The following ZNF728 variants were observed in gnomAD, a reference collection of about 807,000 sequenced individuals.
ZNF728 encodes the protein zinc finger protein 728.
Under a neutral mutation model 12.5 loss-of-function variants are expected in ZNF728, and 12 were observed. The ratio of observed to expected loss-of-function variants is 0.96; its 90% confidence interval spans 0.61 to 1.55. ZNF728 has a LOEUF of 1.55. Ranked by LOEUF, ZNF728 falls within the 40% of genes most tolerant of loss-of-function variation. The probability of loss-of-function intolerance (pLI) is 0.00; values close to 1 mark genes in which losing one functional copy is unlikely to be tolerated. For missense variants in ZNF728, 692 were observed against 719.2 expected, an observed-to-expected ratio of 0.96 and a Z score of 0.43; for synonymous variants, 205 against 240.7, an observed-to-expected ratio of 0.85 and a Z score of 1.37.
chr19:22,980,217 CAG>C (rs1359259588), intron 3 of ZNF728, among the ~76,000 whole-genome samples: 2 of 118,200 alleles, frequency 1.7e-5, no homozygotes, highest in Non-Finnish European at 3.6e-5. Flanking sequence ...AAAAAAAAAA[CAG>C]GGGTTGCAAT....
At position 23,003,134 on chromosome 19, in the gene ZNF728, A is replaced by G; in HGVS notation, c.-104T>C. The G allele has an allele frequency of 4.4e-6, 6 of 1,369,824 alleles. No homozygotes were observed. The highest frequency in any genetic ancestry group is 5.9e-6 in the Non-Finnish European group (6 of 1,013,668). 84.9% of individuals were successfully genotyped at this position (1,369,824 alleles called of 1,614,324 possible). A position where few individuals can be genotyped will look rare whatever the true frequency, so the allele number is the denominator to read the frequency against. ...CCTTTAGGAGCGGACGACACACAGC[A>G]GTAAGGACGACACCTTGACCTCCGC... is the stretch of plus-strand genomic sequence containing the variant. On this transcript the variant is annotated 5_prime_UTR_variant, in exon 1 of 4. Transcript: ENST00000594710.
chr19:22,976,436 C>CA lies in ZNF728; in HGVS notation c.900dup (p.Ala301CysfsTer3), dbSNP rs1240117377. The CA allele has an allele frequency of 6.2e-7, 1 of 1,609,760 alleles. No homozygotes were observed. The highest frequency in any genetic ancestry group is 1.4e-5 in the African/African-American group (1 of 73,756). On this transcript the variant is annotated frameshift_variant, in exon 4 of 4. Coordinates refer to ENST00000594710, the MANE Select transcript of ZNF728 (RefSeq NM_001267716.2). LOFTEE classifies it low-confidence loss of function (END_TRUNC). ...TCTCCAGCATGAATTGTCTTATGTG[C>CA]AGTAAGGGTTGAGGCCTTACTAAAG...
intron 1 of ZNF728, among the ~76,000 whole-genome samples, chr19:23,000,946 T>TACGG (rs1010780373): frequency 2.7e-5 from 4 of 148,144 alleles, no homozygotes; most frequent in African/African-American, 9.9e-5. Context: ...CATGTCAAGG[T>TACGG]ACGGATATGT....
In ZNF728 at chr19:22,975,892, C is replaced by A; in HGVS notation, c.1445G>T (p.Cys482Phe). Reference protein sequence around the residue: ...AIHAGEKLYKCEECGKAFKWS... With the variant: ...AIHAGEKLYKFEECGKAFKWS... ...CTTAAAGGCTTTGCCACATTCTTCA[C>A]ATTTGTAGAGTTTCTCTCCAGCATG... Residue 482 changes from cysteine (C) to phenylalanine (F), a missense_variant, in exon 4 of 4, where the codon TGT becomes TTT. Physicochemically the swap from Cys to Phe is radical, Grantham distance 205 (BLOSUM62 -2). Coordinates refer to ENST00000594710, the MANE Select transcript of ZNF728 (RefSeq NM_001267716.2). The A allele has an allele frequency of 6.2e-7, 1 of 1,606,332 alleles. No homozygotes were observed. The highest frequency in any genetic ancestry group is 8.5e-7 in the Non-Finnish European group (1 of 1,174,332).
intron 1 of ZNF728, among the ~76,000 whole-genome samples, chr19:22,998,578 T>C (rs761340606): frequency 1.4e-4 from 22 of 152,102 alleles, no homozygotes; most frequent in Admixed American, 6.6e-4. Context: ...TGTTTAAAAA[T>C]TGGGGACTCC....
At chr19:22,990,175 A>G (rs1299949980) in intron 1 of ZNF728, among the ~76,000 whole-genome samples, 1 of 152,158 alleles carries the variant, frequency 6.6e-6, no homozygotes, top group Non-Finnish European at 1.5e-5. Flanking sequence ...ACAAGTAGAG[A>G]AGTACAGGTT....
intron 2 of ZNF728, among the ~76,000 whole-genome samples, chr19:22,987,848 T>C (rs1184733628): frequency 6.6e-6 from 1 of 152,184 alleles, no homozygotes; most frequent in Admixed American, 6.5e-5. Flanking sequence ...AGAAATGATG[T>C]TGGGAGCCGA....
intron 1 of ZNF728, among the ~76,000 whole-genome samples, chr19:22,998,023 G>A (rs1969067346): frequency 6.6e-6 from 1 of 152,158 alleles, no homozygotes; most frequent in Non-Finnish European, 1.5e-5. Context: ...TTCAACCATT[G>A]TGAAAAGCAG....
At position 22,974,943 on chromosome 19, in the gene ZNF728, A is replaced by G. The variant is rs1239284018; in HGVS notation, c.*525T>C. ...CTTTCCTTTGCAATTAGGCATGAGC[A>G]TTGGTTAAATGTTTTGCCACATTGT... On this transcript the variant is annotated 3_prime_UTR_variant, in exon 4 of 4. Coordinates refer to ENST00000594710, the MANE Select transcript of ZNF728 (RefSeq NM_001267716.2). Among the ~76,000 whole-genome samples, 1 of 152,190 alleles carries G rather than the reference A, an allele frequency of 6.6e-6. No individual in the cohort carries two copies. Among genetic ancestry groups the G allele is most frequent in the African/African-American group, 2.4e-5 (1 of 41,454 alleles).
chr19:22,976,753 T>A lies in ZNF728; in HGVS notation c.584A>T (p.Tyr195Phe), dbSNP rs968643747. Residue 195 changes from tyrosine (Y) to phenylalanine (F), a missense_variant, in exon 4 of 4, where the codon TAT (tyrosine) becomes TTT (phenylalanine). Transcript: ENST00000594710. ...LSHLSQHKRIYTRENSYKSEE... is the reference protein window; with the variant it reads ...LSHLSQHKRIFTRENSYKSEE... ...ACTTTTGTAGGAATTCTCTCTAGTA[T>A]AAATTCTTTTATGTTGAGATAGGTG... 5.0e-6 allele frequency: 8 copies of A among 1,613,338 alleles called. No individual in the cohort carries two copies. The African/African-American group carries it at 1.1e-4, about 22-fold the overall frequency.
intron 1 of ZNF728, among the ~76,000 whole-genome samples, chr19:22,997,569 T>A (rs930895856): frequency 6.6e-6 from 1 of 151,980 alleles, no homozygotes; most frequent in African/African-American, 2.4e-5. Context: ...AGATCTCAGT[T>A]TAACAACCTG....
chr19:22,989,791 T>C (rs1351976306), intron 1 of ZNF728, among the ~76,000 whole-genome samples: 1 of 151,478 alleles, frequency 6.6e-6, no homozygotes, highest in Non-Finnish European at 1.5e-5. Context: ...TTATCTCCTA[T>C]AAATTTTTTT....
chr19:22,996,614 T>TAA (rs35586244), intron 1 of ZNF728, among the ~76,000 whole-genome samples: 36 of 152,008 alleles, frequency 2.4e-4, no homozygotes, highest in African/African-American at 7.7e-4. Context: ...TAAAGAAAGA[T>TAA]AAAAAAATAT....
At chr19:22,982,010 G>A (rs1968865929) in intron 3 of ZNF728, among the ~76,000 whole-genome samples, 1 of 152,120 alleles carries the variant, frequency 6.6e-6, no homozygotes, top group South Asian at 2.1e-4. Context: ...ATTCAACATA[G>A]TATTGGAAGT....
intron 1 of ZNF728, among the ~76,000 whole-genome samples, chr19:22,998,416 G>A (rs1969072134): frequency 6.6e-6 from 1 of 151,882 alleles, no homozygotes; most frequent in Admixed American, 6.6e-5. Context: ...TTTAGTCTTA[G>A]CTACTTGGGA....
At chr19:22,986,629 G>A (rs575494762) in intron 3 of ZNF728, among the ~76,000 whole-genome samples, 5 of 152,064 alleles carry the variant, frequency 3.3e-5, no homozygotes, top group South Asian at 2.1e-4. Context: ...TTTGTCTATC[G>A]ATTCAAAGAA....
intron 1 of ZNF728, among the ~76,000 whole-genome samples, chr19:22,997,287 A>T (rs1969060054): frequency 6.6e-6 from 1 of 152,150 alleles, no homozygotes; most frequent in Non-Finnish European, 1.5e-5. Flanking sequence ...CAAAAATCCC[A>T]AAATGACACA....
chr19:22,981,064 C>T (rs764030441), intron 3 of ZNF728, among the ~76,000 whole-genome samples: 77 of 127,540 alleles, frequency 6.0e-4, no homozygotes, highest in African/African-American at 1.8e-3. Flanking sequence ...AAATACCCTT[C>T]AAAAAAAAAA....
At chr19:22,984,794 T>G (rs968095755) in intron 3 of ZNF728, among the ~76,000 whole-genome samples, 1 of 151,896 alleles carries the variant, frequency 6.6e-6, no homozygotes. Context: ...CAAAAGTATA[T>G]AGAATTTCAA....
Sources: gnomAD v4.1 joint callset for allele counts (sites outside exome capture counted in the v4.1 genomes callset) on GRCh38, gnomAD v4.1.1 for gene constraint, MANE v1.5 for transcripts, NCBI Gene and HGNC (gene_info 2026-07-23, HGNC 2026-07-21) for gene names.